JCAD: variants seen among roughly 807,000 people sequenced by gnomAD.
JCAD encodes junctional cadherin 5 associated, also known as junctional cadherin 5-associated protein.
A neutral mutation model predicts 98.0 loss-of-function variants in JCAD; 40 were observed. The ratio of observed to expected loss-of-function variants is 0.41; its 90% confidence interval spans 0.32 to 0.53. JCAD has a LOEUF of 0.53. Ranked by LOEUF, JCAD falls within the 20% of genes least tolerant of loss-of-function variation. The pLI, the probability that JCAD is intolerant of heterozygous loss-of-function variation, is 0.31. For synonymous variants in JCAD, 691 were observed against 682.3 expected (o/e 1.01, Z -0.20); for missense variants, 1,705 against 1,738.1 (o/e 0.98, Z 0.34).
At chr10:30,053,237 A>G (rs1837504615) in intron 1 of JCAD, among the ~76,000 whole-genome samples, 1 of 152,038 alleles carries the variant, frequency 6.6e-6, no homozygotes, top group South Asian at 2.1e-4. Context: ...GGTGCAGGCT[A>G]TATGTAAATG....
chr10:30,075,065 C>A (rs143533371), intron 1 of JCAD, among the ~76,000 whole-genome samples: 2 of 152,210 alleles, frequency 1.3e-5, no homozygotes, highest in Non-Finnish European at 2.9e-5. Context: ...GTTGGGATTA[C>A]AGGCATGAGC....
rs368497057 is a variant in JCAD, at chr10:30,026,544, C to T, written c.3604G>A (p.Glu1202Lys). 52 of 1,614,052 alleles carry T rather than the reference C, an allele frequency of 3.2e-5. No homozygotes were observed. The highest frequency in any genetic ancestry group is 4.0e-5 in the Non-Finnish European group (47 of 1,180,042). ...EPSPLESKFF[E>K]QKDVETKPPF... ...GGTTTTGTTTCCACATCCTTTTGTTCGAAGAACTTGGACTCCAAGGGGCTG... is the reference window on the plus strand; with the variant it reads ...GGTTTTGTTTCCACATCCTTTTGTTTGAAGAACTTGGACTCCAAGGGGCTG... The change falls in exon 3 of 4, where the codon GAA (glutamate) becomes AAA (lysine). Residue 1202 changes from glutamate (E) to lysine (K), a missense_variant. By Grantham distance (56) the Glu-to-Lys change is moderately conservative. Coordinates refer to ENST00000375377, the MANE Select transcript of JCAD (RefSeq NM_020848.4).
intron 1 of JCAD, among the ~76,000 whole-genome samples, chr10:30,103,686 C>CTACTATAA (rs1237057555): frequency 6.6e-6 from 1 of 151,176 alleles, no homozygotes; most frequent in Non-Finnish European, 1.5e-5. Context: ...TTCTCTATTG[C>CTACTATAA]TACTATAATA....
At chr10:30,049,991 A>C (rs1253022931) in intron 1 of JCAD, among the ~76,000 whole-genome samples, 1 of 152,140 alleles carries the variant, frequency 6.6e-6, no homozygotes, top group Non-Finnish European at 1.5e-5. Flanking sequence ...ACTGGCATTT[A>C]AAATAGATTA....
In JCAD at chr10:30,026,643, C is replaced by T; in HGVS notation, c.3505G>A (p.Ala1169Thr). 1 of 1,613,156 alleles carries T rather than the reference C, an allele frequency of 6.2e-7. No homozygotes were observed. The highest frequency in any genetic ancestry group is 8.5e-7 in the Non-Finnish European group (1 of 1,180,040). Residue 1169 changes from alanine (A) to threonine (T), a missense_variant, in exon 3 of 4, where the codon GCT (alanine) becomes ACT (threonine). Coordinates refer to ENST00000375377, the MANE Select transcript of JCAD (RefSeq NM_020848.4). ...TCTGAGTGCTCAAAAGCCTGAGGAG[C>T]CCGCCTGGCACTGTCCCTGTCCCCT... is the stretch of plus-strand genomic sequence containing the variant. ...FVGDRDSARR[A>T]PQAFEHSDVD...
At chr10:30,070,931 A>G (rs868037191) in intron 1 of JCAD, among the ~76,000 whole-genome samples, 2 of 152,176 alleles carry the variant, frequency 1.3e-5, no homozygotes, top group Non-Finnish European at 2.9e-5. Flanking sequence ...TTTGAGACGG[A>G]GTCTCGCTTT....
chr10:30,043,354 C>T (rs897971881), intron 2 of JCAD, among the ~76,000 whole-genome samples: 4 of 151,998 alleles, frequency 2.6e-5, no homozygotes, highest in African/African-American at 9.7e-5. Flanking sequence ...AAAAATTTTA[C>T]TAGATAGAGC....
In JCAD at chr10:30,091,296, A is replaced by C. The variant is rs192738277; in HGVS notation, n.129-21475T>G. Among the ~76,000 whole-genome samples the C allele has an allele frequency of 9.9e-4, 151 of 152,350 alleles. 1 individual carries two copies. The highest frequency in any genetic ancestry group is 3.1e-3 in the African/African-American group (130 of 41,590). ...CAAAAACAAGGCTGAGAGGATAAAG[A>C]TAGGTTATAACAACACATGCAAACT... On this transcript the variant is annotated intron_variant and non_coding_transcript_variant, in intron 1 of 2. Transcript: ENST00000465712.
chr10:30,099,519 T>C (rs547251895), intron 1 of JCAD, among the ~76,000 whole-genome samples: 1 of 152,164 alleles, frequency 6.6e-6, no homozygotes, highest in Non-Finnish European at 1.5e-5. Flanking sequence ...TTCCAGGCAC[T>C]GTGCTAGGGA....
intron 1 of JCAD, among the ~76,000 whole-genome samples, chr10:30,054,891 G>T (rs1483462720): frequency 6.6e-6 from 1 of 151,970 alleles, no homozygotes; most frequent in African/African-American, 2.4e-5. Context: ...GGATGGTCTC[G>T]ATCTCCTGAC....
intron 2 of JCAD, among the ~76,000 whole-genome samples, chr10:30,040,708 C>A (rs1417928915): frequency 6.6e-6 from 1 of 152,198 alleles, no homozygotes; most frequent in East Asian, 1.9e-4. Flanking sequence ...CCTAGGGAGG[C>A]CGCCTAAAGG....
At chr10:30,052,742 C>G (rs931741042) in intron 1 of JCAD, among the ~76,000 whole-genome samples, 4 of 152,014 alleles carry the variant, frequency 2.6e-5, no homozygotes, top group African/African-American at 7.2e-5. Context: ...CAAATAAGAC[C>G]CCGTCAGCAC....
At chr10:30,038,623 C>T (rs1837170894) in intron 2 of JCAD, among the ~76,000 whole-genome samples, 2 of 145,760 alleles carry the variant, frequency 1.4e-5, no homozygotes, top group South Asian at 2.2e-4. Context: ...GAGGTCAAGG[C>T]TGCAGTGAGC....
chr10:30,039,373 G>T (rs911567212), intron 2 of JCAD, among the ~76,000 whole-genome samples: 4 of 152,232 alleles, frequency 2.6e-5, no homozygotes, highest in African/African-American at 7.2e-5. Flanking sequence ...CTCCCACAAC[G>T]TGAGGCCCTT....
At position 30,028,590 on chromosome 10, in the gene JCAD, A is replaced by G. The variant is rs938894219; in HGVS notation, c.1558T>C (p.Cys520Arg). The change falls in exon 3 of 4, where the codon TGT (cysteine) becomes CGT (arginine). Residue 520 changes from cysteine (C) to arginine (R), a missense_variant. Physicochemically the swap from Cys to Arg is radical, Grantham distance 180. This residue lies in a region of JCAD where 1,278 missense variants were observed against 1,243.1 expected (regional missense o/e 1.03). Transcript: ENST00000375377. ...TCAGGCCACTGTCCCCTTGCCACAC[A>G]GCGGTCTCTCTGGTTGGGGAGGCCA... is the stretch of plus-strand genomic sequence containing the variant. The part of the protein sequence containing the change: ...NSGLPNQRDR[C>R]VARGQWPDVR... 8.7e-6 allele frequency: 14 copies of G among 1,613,910 alleles called. No homozygotes were observed. Among genetic ancestry groups the G allele is most frequent in the Admixed American group, 6.7e-5 (4 of 59,988 alleles).
At chr10:30,041,312 A>G (rs1837238550) in intron 2 of JCAD, among the ~76,000 whole-genome samples, 1 of 152,160 alleles carries the variant, frequency 6.6e-6, no homozygotes, top group South Asian at 2.1e-4. Flanking sequence ...GCCTCGTAAC[A>G]AGGTCAAAAT....
rs553152579 is a variant in JCAD at position 30,084,139 on chromosome 10, GAAAAGAA to G, written n.129-14325_129-14319del. On this transcript the variant is annotated intron_variant and non_coding_transcript_variant, in intron 1 of 2. Coordinates refer to the JCAD transcript ENST00000465712. ...AAAGAAAGAGAAAGAAAAAGGAAGA[GAAAAGAA>G]AAAAGAAAAGGAAAGAAGGAGGAAG... Among the ~76,000 whole-genome samples, 453 of 146,772 alleles carry G rather than the reference GAAAAGAA, an allele frequency of 3.1e-3. 3 individuals carry two copies. The highest frequency in any genetic ancestry group is 0.012 in the Admixed American group (177 of 14,300).
intron 1 of JCAD, among the ~76,000 whole-genome samples, chr10:30,084,418 G>A (rs575804635): frequency 6.6e-6 from 1 of 152,300 alleles, no homozygotes; most frequent in Non-Finnish European, 1.5e-5. Context: ...TTTCTGTGAG[G>A]CTGTTTTTTG....
At chr10:30,038,688 TAA>T (rs11402293) in intron 2 of JCAD, among the ~76,000 whole-genome samples, 1 of 122,008 alleles carries the variant, frequency 8.2e-6, no homozygotes, top group Non-Finnish European at 1.6e-5. Flanking sequence ...TGTCTCAAAA[TAA>T]AAAAAAAAAA....
Sources: allele counts gnomAD v4.1 joint callset (sites outside exome capture counted in the v4.1 genomes callset), GRCh38; gene constraint gnomAD v4.1.1; regional missense constraint gnomAD v4.1.1; transcripts MANE v1.5; gene names NCBI Gene and HGNC (gene_info 2026-07-23, HGNC 2026-07-21).